ZFHX3: variants seen among roughly 807,000 people sequenced by gnomAD.
The protein encoded by ZFHX3 is zinc finger homeobox 3.
ZFHX3 carries 42 observed loss-of-function variants against 279.1 expected under a neutral mutation model. The observed-to-expected ratio is 0.15, with a 90% CI of 0.12 to 0.19. ZFHX3 has a LOEUF of 0.19. ZFHX3 is among the 10% of genes least tolerant of loss of function. The probability of loss-of-function intolerance (pLI) is 1.00; values close to 1 mark genes in which losing one functional copy is unlikely to be tolerated. For missense variants in ZFHX3, 4,981 were observed against 4,754.0 expected, an observed-to-expected ratio of 1.05 and a Z score of -1.40; for synonymous variants, 2,293 against 1,957.8, an observed-to-expected ratio of 1.17 and a Z score of -4.52.
intron 1 of ZFHX3, among the ~76,000 whole-genome samples, chr16:73,720,741 C>A (rs2053465995): frequency 6.6e-6 from 1 of 152,050 alleles, no homozygotes. Flanking sequence ...CCATTTTTTC[C>A]AAATTTTCTA....
chr16:73,567,625 G>A (rs2020469599), intron 2 of ZFHX3, among the ~76,000 whole-genome samples: 1 of 152,220 alleles, frequency 6.6e-6, no homozygotes, highest in Non-Finnish European at 1.5e-5. Flanking sequence ...ACCTCCATGT[G>A]AAGACAGAGA....
chr16:73,187,113 G>C (rs570239451), intron 5 of ZFHX3, among the ~76,000 whole-genome samples: 5 of 151,294 alleles, frequency 3.3e-5, no homozygotes, highest in Non-Finnish European at 7.4e-5. Context: ...GGGTTTGGAA[G>C]AGAGGCGGGG....
At chr16:73,255,024 C>G (rs1342868136) in intron 5 of ZFHX3, among the ~76,000 whole-genome samples, 1 of 152,138 alleles carries the variant, frequency 6.6e-6, no homozygotes, top group East Asian at 1.9e-4. Context: ...GAGATACGAA[C>G]ATCAAAATGG....
rs182883125 is a variant in ZFHX3, at chr16:73,712,093, G to C, written c.-1607-31853C>G. Among the ~76,000 whole-genome samples the C allele has an allele frequency of 2.0e-5, 3 of 152,356 alleles. No homozygotes were observed. The East Asian group carries it at 5.8e-4, about 29-fold the overall frequency. On this transcript the variant is annotated intron_variant, in intron 1 of 17. Transcript: ENST00000641206. ...TGGCTCATACGGAGGATGGAGAGATGAGGGAGGAATGGTGAGGTCTGGTCC... is the reference window on the plus strand; with the variant it reads ...TGGCTCATACGGAGGATGGAGAGATCAGGGAGGAATGGTGAGGTCTGGTCC...
intron 3 of ZFHX3, among the ~76,000 whole-genome samples, chr16:73,366,482 AG>A (rs1262433019): frequency 2.0e-5 from 3 of 151,908 alleles, no homozygotes; most frequent in African/African-American, 7.3e-5. Context: ...TGATAGTCCC[AG>A]TAGTTTGGGA....
At chr16:73,184,577 C>T (rs1967871756) in intron 5 of ZFHX3, among the ~76,000 whole-genome samples, 1 of 152,134 alleles carries the variant, frequency 6.6e-6, no homozygotes. Context: ...GGTGGAGAGT[C>T]AAAATCTCGA....
chr16:73,729,530 AAAAC>A (rs2053550702), intron 1 of ZFHX3, among the ~76,000 whole-genome samples: 1 of 135,860 alleles, frequency 7.4e-6, no homozygotes, highest in Non-Finnish European at 1.6e-5. Context: ...CTCCATCTCA[AAAAC>A]AAACAAAAAA....
At position 73,186,522 on chromosome 16, in the gene ZFHX3, A is replaced by C. The variant is rs934112623; in HGVS notation, c.-1103-42691T>G. The stretch of plus-strand genomic sequence containing the variant: ...TAGGTACTCAAGAAACACTTTGTGG[A>C]TATACCAGCCAATTCCCTAGTTTCC... On this transcript the variant is annotated intron_variant, in intron 5 of 17. Coordinates refer to the ZFHX3 transcript ENST00000641206. 1.8e-4 allele frequency among the ~76,000 whole-genome samples: 27 copies of C among 151,840 alleles called. 1 individual carries two copies. The South Asian group carries it at 3.7e-3, about 21-fold the overall frequency.
chr16:72,925,244 G>T (rs1376616076), intron 3 of ZFHX3, among the ~76,000 whole-genome samples: 1 of 152,204 alleles, frequency 6.6e-6, no homozygotes, highest in African/African-American at 2.4e-5. Context: ...CCCAGAAGCT[G>T]GCCCACTTCT....
intron 8 of ZFHX3, among the ~76,000 whole-genome samples, chr16:73,078,642 C>T (rs1348767156): frequency 6.6e-6 from 1 of 151,938 alleles, no homozygotes; most frequent in African/African-American, 2.4e-5. Context: ...CGCCTGGCCA[C>T]TAAAGAACTT....
intron 7 of ZFHX3, among the ~76,000 whole-genome samples, chr16:73,130,282 A>G (rs1442041316): frequency 6.6e-6 from 1 of 151,916 alleles, no homozygotes; most frequent in Non-Finnish European, 1.5e-5. Context: ...GGAAAATACC[A>G]TGTTTGGAAA....
intron 3 of ZFHX3, among the ~76,000 whole-genome samples, chr16:73,351,192 A>G (rs1275883452): frequency 2.0e-5 from 3 of 152,202 alleles, no homozygotes; most frequent in Non-Finnish European, 4.4e-5. Flanking sequence ...TGAGTAATCC[A>G]ATTTAGGAGA....
At chr16:72,953,692 T>C (rs1168395076) in intron 2 of ZFHX3, among the ~76,000 whole-genome samples, 1 of 152,150 alleles carries the variant, frequency 6.6e-6, no homozygotes, top group African/African-American at 2.4e-5. Context: ...GTGAACCACC[T>C]GCCTCAGCCT....
At chr16:73,456,114 C>A (rs1317132791) in exon 3 of ZFHX3, 2 of 152,050 alleles carry the variant, frequency 1.3e-5, no homozygotes, top group Non-Finnish European at 2.9e-5. Flanking sequence ...ACGGGGCCAG[C>A]GGGCAGCAGA....
At chr16:72,976,514 C>T (rs949133226) in intron 1 of ZFHX3, among the ~76,000 whole-genome samples, 2 of 152,186 alleles carry the variant, frequency 1.3e-5, no homozygotes, top group African/African-American at 2.4e-5. Context: ...ACATACACAG[C>T]GCGTCCCTCC....
chr16:73,019,515 C>T (rs1008651908), intron 1 of ZFHX3, among the ~76,000 whole-genome samples: 2 of 152,190 alleles, frequency 1.3e-5, no homozygotes, highest in Admixed American at 1.3e-4. Flanking sequence ...ACCCCTGCAG[C>T]CCTCCCAGCC....
intron 1 of ZFHX3, among the ~76,000 whole-genome samples, chr16:72,985,978 G>A (rs894424693): frequency 3.9e-5 from 6 of 152,206 alleles, no homozygotes; most frequent in African/African-American, 1.2e-4. Context: ...TGCTCCCAGC[G>A]CTTCCTAAAG....
At chr16:73,294,546 C>G (rs570339461) in intron 4 of ZFHX3, among the ~76,000 whole-genome samples, 3 of 152,314 alleles carry the variant, frequency 2.0e-5, no homozygotes, top group African/African-American at 7.2e-5. Context: ...CGAGGTGGCT[C>G]ACGCCTGTAA....
intron 1 of ZFHX3, among the ~76,000 whole-genome samples, chr16:72,980,437 T>C (rs1962540802): frequency 6.6e-6 from 1 of 152,108 alleles, no homozygotes; most frequent in African/African-American, 2.4e-5. Flanking sequence ...TAAGTCTGAA[T>C]TGCAACTTGG....
Sources: gnomAD v4.1 joint callset for allele counts (sites outside exome capture counted in the v4.1 genomes callset) on GRCh38, gnomAD v4.1.1 for gene constraint, MANE v1.5 for transcripts, NCBI Gene and HGNC (gene_info 2026-07-23, HGNC 2026-07-21) for gene names.